The following CA11 variants were observed in gnomAD, a reference collection of about 807,000 sequenced individuals.
CA11 encodes carbonic anhydrase 11 (inactive), also known as carbonic anhydrase-related protein 11.
Under a neutral mutation model 39.3 loss-of-function variants are expected in CA11, and 20 were observed. The ratio of observed to expected loss-of-function variants is 0.51; its 90% CI spans 0.36 to 0.74. CA11 has a LOEUF of 0.74. Ranked by LOEUF, CA11 falls within the 30% of genes least tolerant of loss-of-function variation. CA11 has a pLI of 0.00. For synonymous variants in CA11, 166 were observed against 172.5 expected, an observed-to-expected ratio of 0.96 and a Z score of 0.29; for missense variants, 336 against 424.6, an observed-to-expected ratio of 0.79 and a Z score of 1.83.
At position 48,643,045 on chromosome 19, in the gene CA11, A is replaced by G. The variant is rs921555323; in HGVS notation, c.285+1382T>C. 6.6e-6 allele frequency among the ~76,000 whole-genome samples: 1 copy of G among 152,128 alleles called. No individual in the cohort carries two copies. The highest frequency in any genetic ancestry group is 1.5e-5 in the Non-Finnish European group (1 of 68,014). ...AGTTCGACATCAGCCTGGACAACAT[A>G]GTGAGACCCCACCTCTACAAAAAAC... On this transcript the variant is annotated intron_variant, in intron 3 of 8. Transcript: ENST00000084798. The surrounding 1 kb of genome is among the most constrained non-coding windows in gnomAD (Gnocchi z 4.3).
rs1273628971 is a variant in CA11, at chr19:48,645,460, G to T, written c.85C>A (p.Pro29Thr). 1 of 1,603,180 alleles carries T rather than the reference G, an allele frequency of 6.2e-7. No individual in the cohort carries two copies. Among genetic ancestry groups the T allele is most frequent in the East Asian group, 2.2e-5 (1 of 44,596 alleles). The change falls in exon 2 of 9, where the codon CCT becomes ACT. Residue 29 changes from proline (P) to threonine (T), a missense_variant. Coordinates refer to ENST00000084798, the MANE Select transcript of CA11 (RefSeq NM_001217.5). ...LGAAAHIGPAPDPEDWWSYKD... is the reference protein window; with the variant it reads ...LGAAAHIGPATDPEDWWSYKD... ...TAGCTCCACCAGTCCTCGGGGTCAG[G>T]TGCTGGTCCGATGTGAGCTGGGAAG...
Position 48,644,533 on chromosome 19 carries a change from C to G in CA11, c.179G>C (p.Ser60Thr), listed in dbSNP as rs1328537466. 1 of 1,608,452 alleles carries G rather than the reference C, an allele frequency of 6.2e-7. No homozygotes were observed. Among genetic ancestry groups the G allele is most frequent in the Admixed American group, 1.7e-5 (1 of 59,488 alleles). ...CTGCCGCTTCCCCACAGCACACAGA[C>G]TCCACGCTGCATTCACCAGGCCCCA... Reference protein sequence around the residue: ...PFWGLVNAAWSLCAVGKRQSP... With the variant: ...PFWGLVNAAWTLCAVGKRQSP... The change falls in exon 3 of 9, where the codon AGT becomes ACT. Residue 60 changes from serine to threonine, a missense_variant. Ser to Thr is a moderately conservative substitution (Grantham distance 58). Transcript: ENST00000084798.
chr19:48,640,541 A>AT (rs1297869628), intron 3 of CA11, among the ~76,000 whole-genome samples: 1 of 150,038 alleles, frequency 6.7e-6, no homozygotes, highest in African/African-American at 2.5e-5. Context: ...TGCCCGGCTA[A>AT]TTTTTTATTT....
intron 8 of CA11, 32 bp downstream of exon 8, chr19:48,638,856 A>G (rs1265625241): frequency 1.3e-6 from 2 of 1,529,552 alleles, no homozygotes; most frequent in African/African-American, 2.8e-5. Context: ...GGGTTAGCCC[A>G]AGACTTAGAG....
chr19:48,639,088 A>G (rs906783126), intron 7 of CA11, 35 bp from the exon 8 acceptor site: 1 of 1,612,148 alleles, frequency 6.2e-7, no homozygotes, highest in African/African-American at 1.3e-5. Flanking sequence ...CTGGGAGTGA[A>G]TAGTGAATGG....
intron 7 of CA11, 101 bp from the exon 8 acceptor site, chr19:48,639,154 T>C (rs2030975058): frequency 6.5e-7 from 1 of 1,532,920 alleles, no homozygotes; most frequent in Non-Finnish European, 8.9e-7. Flanking sequence ...GCGGGGTCTG[T>C]TCTCAGCCCC....
At chr19:48,645,212 T>A (rs1422831724) in intron 2 of CA11, among the ~76,000 whole-genome samples, 191 bp downstream of exon 2, 2 of 151,932 alleles carry the variant, frequency 1.3e-5, no homozygotes, top group Admixed American at 1.3e-4. Context: ...ACTCACTACT[T>A]GAAATGCGCA....
chr19:48,644,405 C>A, intron 3 of CA11, 22 bp downstream of exon 3: 1 of 1,550,884 alleles, frequency 6.4e-7, no homozygotes, highest in South Asian at 1.2e-5. Flanking sequence ...GGTTCAATAG[C>A]TCCTCCCTCC....
intron 2 of CA11, 59 bp downstream of exon 2, chr19:48,645,344 G>A (rs2031214809): frequency 1.5e-5 from 22 of 1,463,804 alleles, no homozygotes; most frequent in Non-Finnish European, 2.0e-5. Context: ...CCAGGTTCCT[G>A]AGTCTGAAGA....
At chr19:48,640,530 A>T (rs990589570) in intron 3 of CA11, among the ~76,000 whole-genome samples, 1 of 150,926 alleles carries the variant, frequency 6.6e-6, no homozygotes, top group Non-Finnish European at 1.5e-5. Flanking sequence ...ATGCGCCACC[A>T]TGCCCGGCTA....
rs5828358 is a variant in CA11 at position 48,638,149 on chromosome 19, AAGAC to A, written c.962-9_962-6del. On this transcript the variant is annotated splice_region_variant and splice_polypyrimidine_tract_variant and intron_variant, in intron 8 of 8. Transcript: ENST00000084798. ...GACCATGGGGGACACCATCCACTGT[AAGAC>A]AGAGAACAACGGCAGGGGGCGTCAG... The A allele has an allele frequency of 0.69, 933,887 of 1,344,822 alleles. 339,434 individuals are homozygous for A. The highest frequency in any genetic ancestry group is 0.75 in the Non-Finnish European group (781,059 of 1,037,580). The allele number at this position is 1,344,822 out of a possible 1,614,324, so 83.3% of individuals were successfully genotyped here.
intron 2 of CA11, 33 bp from the exon 3 acceptor site, chr19:48,644,602 G>A: frequency 6.6e-7 from 1 of 1,504,482 alleles, no homozygotes; most frequent in Non-Finnish European, 8.9e-7. Flanking sequence ...AGGACAAGGA[G>A]TCAGAAATAG....
rs2031227192 is a variant in CA11, at chr19:48,645,645, T to A, written c.-13A>T. On this transcript the variant is annotated 5_prime_UTR_variant, in exon 1 of 9. Coordinates refer to ENST00000084798, the MANE Select transcript of CA11 (RefSeq NM_001217.5). Reference sequence around the variant, plus strand: ...CTGCAGCCCCCATCCCCAGGAGGCCTCCGAGGGACCCCTGCCCAACGCCCT... The same window carrying A: ...CTGCAGCCCCCATCCCCAGGAGGCCACCGAGGGACCCCTGCCCAACGCCCT... 2 of 1,555,230 alleles carry A rather than the reference T, an allele frequency of 1.3e-6. No homozygotes were observed. Among genetic ancestry groups the A allele is most frequent in the Non-Finnish European group, 1.7e-6 (2 of 1,151,974 alleles).
intron 5 of CA11, 46 bp downstream of exon 5, chr19:48,639,742 C>G: frequency 6.3e-7 from 1 of 1,597,910 alleles, no homozygotes; most frequent in Non-Finnish European, 8.6e-7. Flanking sequence ...ACCCCGGGTT[C>G]CAGGCACCCA....
Position 48,643,922 on chromosome 19 carries a change from C to A in CA11, c.285+505G>T, listed in dbSNP as rs2031165607. On this transcript the variant is annotated intron_variant, in intron 3 of 8. Coordinates refer to ENST00000084798, the MANE Select transcript of CA11 (RefSeq NM_001217.5). The surrounding 1 kb of genome is among the most constrained non-coding windows in gnomAD (Gnocchi z 4.3). ...CAGCCTGACCAAAATGGAGAAAACC[C>A]ATCTCTGCTAAAAATACAAAAAATT... Among the ~76,000 whole-genome samples, 1 of 151,978 alleles carries A rather than the reference C, an allele frequency of 6.6e-6. No individual in the cohort carries two copies. The highest frequency in any genetic ancestry group is 1.5e-5 in the Non-Finnish European group (1 of 68,010).
chr19:48,638,102 A>G lies in CA11; in HGVS notation c.*17T>C, dbSNP rs2030897407. On this transcript the variant is annotated 3_prime_UTR_variant, in exon 9 of 9. Coordinates refer to ENST00000084798, the MANE Select transcript of CA11 (RefSeq NM_001217.5). ...GGGAGGCTTAGGACGGGCGGGTGCA[A>G]TCCTCGAAGGGGAGTCTCAGCGACC... 8 of 1,415,584 alleles carry G rather than the reference A, an allele frequency of 5.7e-6. No individual in the cohort carries two copies. The highest frequency in any genetic ancestry group is 3.0e-5 in the Admixed American group (1 of 33,638). The allele number at this position is 1,415,584 out of a possible 1,614,324, so 87.7% of individuals were successfully genotyped here. A position where few individuals can be genotyped will look rare whatever the true frequency, so the allele number is the denominator to read the frequency against.
chr19:48,644,710 A>AG (rs2031193931), intron 2 of CA11, 141 bp from the exon 3 acceptor site: 1 of 564,640 alleles, frequency 1.8e-6, no homozygotes, highest in African/African-American at 1.9e-5. Context: ...CCTGGGTCTG[A>AG]GGGAGGACTG....
rs1249647956 is a variant in CA11 at position 48,643,177 on chromosome 19, C to T, written c.285+1250G>A. 3.3e-5 allele frequency among the ~76,000 whole-genome samples: 5 copies of T among 151,678 alleles called. No homozygotes were observed. Among genetic ancestry groups the T allele is most frequent in the East Asian group, 1.9e-4 (1 of 5,186 alleles). ...CTTCTCTCTTTCTCTCTTTCTTTCT[C>T]GCTCTCTCTCTTTCTTTTCTCTCCC... On this transcript the variant is annotated intron_variant, in intron 3 of 8. Transcript: ENST00000084798. This position sits in a 1 kb window ranked among gnomAD's most constrained non-coding sequence, Gnocchi z 4.3.
At chr19:48,641,325 T>C (rs1156419078) in intron 3 of CA11, among the ~76,000 whole-genome samples, 1 of 152,234 alleles carries the variant, frequency 6.6e-6, no homozygotes, top group Non-Finnish European at 1.5e-5. Context: ...CACTGACCAC[T>C]TTCCAGGCTC....
Sources: gnomAD v4.1 joint callset for allele counts (sites outside exome capture counted in the v4.1 genomes callset) on GRCh38, gnomAD v4.1.1 for gene constraint, Gnocchi (gnomAD v3.1) non-coding constraint, MANE v1.5 for transcripts, NCBI Gene and HGNC (gene_info 2026-07-23, HGNC 2026-07-21) for gene names.